Variants in VPS35L observed in about 807,000 individuals in gnomAD.
VPS35L encodes the protein VPS35 endosomal protein sorting factor like, also known as VPS35 endosomal protein-sorting factor-like.
A neutral mutation model predicts 133.0 loss-of-function variants in VPS35L; 83 were observed. That is an observed-to-expected ratio of 0.62 (90% CI 0.52 to 0.75). The LOEUF is 0.75. VPS35L is among the 30% of genes least tolerant of loss of function. The probability of loss-of-function intolerance (pLI) is 0.00; values close to 1 mark genes in which losing one functional copy is unlikely to be tolerated. For missense variants in VPS35L, 1,083 were observed against 1,206.8 expected (o/e 0.90, Z 1.52); for synonymous variants, 423 against 449.9 (o/e 0.94, Z 0.76).
chr16:19,650,488 C>T, intron 25 of VPS35L, 29 bp downstream of exon 25: 3 of 1,555,560 alleles, frequency 1.9e-6, no homozygotes, highest in South Asian at 1.1e-5. Context: ...GACTGTTGGA[C>T]CTCGAACTCC....
At chr16:19,683,384 T>C (rs1442024128) in intron 28 of VPS35L, among the ~76,000 whole-genome samples, 1 of 152,240 alleles carries the variant, frequency 6.6e-6, no homozygotes, top group Admixed American at 6.5e-5. Context: ...TATTGTGCAA[T>C]GCTGAGGTTT....
chr16:19,563,039 A>G (rs367694150), intron 1 of VPS35L, among the ~76,000 whole-genome samples: 2 of 152,278 alleles, frequency 1.3e-5, no homozygotes, highest in South Asian at 4.2e-4. Context: ...TGCTGGGATT[A>G]CAGGCGTGAG....
intron 7 of VPS35L, among the ~76,000 whole-genome samples, chr16:19,585,891 G>A (rs1458871149): frequency 1.3e-5 from 2 of 151,808 alleles, no homozygotes; most frequent in East Asian, 3.9e-4. Context: ...ATTTGGTTGA[G>A]TTGTAACAAT....
intron 24 of VPS35L, among the ~76,000 whole-genome samples, chr16:19,649,772 G>C (rs1974068569): frequency 6.6e-6 from 1 of 152,150 alleles, no homozygotes; most frequent in South Asian, 2.1e-4. Flanking sequence ...ATATGTATTT[G>C]TTTGCTGGTT....
At chr16:19,570,790 G>A (rs1010655010) in intron 3 of VPS35L, among the ~76,000 whole-genome samples, 1 of 139,606 alleles carries the variant, frequency 7.2e-6, no homozygotes, top group African/African-American at 2.6e-5. Flanking sequence ...TGGCCAGTCT[G>A]ACTTCAGAAT....
At chr16:19,659,731 A>C (rs1287546877) in intron 26 of VPS35L, among the ~76,000 whole-genome samples, 1 of 152,226 alleles carries the variant, frequency 6.6e-6, no homozygotes, top group East Asian at 1.9e-4. Flanking sequence ...TGAGACCACA[A>C]GGCTTTGCCA....
intron 5 of VPS35L, among the ~76,000 whole-genome samples, chr16:19,577,242 A>G (rs1030554848): frequency 6.6e-6 from 1 of 152,158 alleles, no homozygotes; most frequent in Admixed American, 6.5e-5. Flanking sequence ...GGCTGCTTCC[A>G]CTCATGGTGA....
At chr16:19,655,634 G>A (rs879905815) in intron 26 of VPS35L, among the ~76,000 whole-genome samples, 2 of 152,320 alleles carry the variant, frequency 1.3e-5, no homozygotes, top group Non-Finnish European at 1.5e-5. Context: ...TGTTGCAGGG[G>A]AGGCCTGGTT....
At chr16:19,646,713 T>G (rs1329726661) in intron 23 of VPS35L, among the ~76,000 whole-genome samples, 1 of 151,480 alleles carries the variant, frequency 6.6e-6, no homozygotes, top group Non-Finnish European at 1.5e-5. Flanking sequence ...CATATTCTAC[T>G]GCAATCTGTG....
chr16:19,573,728 G>A (rs1402364255), intron 4 of VPS35L, among the ~76,000 whole-genome samples: 2 of 152,118 alleles, frequency 1.3e-5, no homozygotes, highest in Non-Finnish European at 2.9e-5. Context: ...CATGAGAATT[G>A]CTTGAACCCG....
intron 11 of VPS35L, 41 bp from the exon 12 acceptor site, chr16:19,610,281 T>C: frequency 6.5e-7 from 1 of 1,527,174 alleles, no homozygotes; most frequent in East Asian, 2.3e-5. Flanking sequence ...CAGCGAGTTC[T>C]CACGTCGAAT....
chr16:19,618,796 C>T (rs950314634), intron 14 of VPS35L, among the ~76,000 whole-genome samples: 2 of 152,090 alleles, frequency 1.3e-5, no homozygotes, highest in Non-Finnish European at 2.9e-5. Flanking sequence ...GTGTAGCGCC[C>T]CACATCTTAG....
intron 26 of VPS35L, among the ~76,000 whole-genome samples, chr16:19,664,319 C>T (rs750845076): frequency 3.3e-5 from 5 of 151,812 alleles, no homozygotes; most frequent in African/African-American, 4.8e-5. Flanking sequence ...TCTCTTACTA[C>T]GAATATGGGG....
chr16:19,622,848 T>G lies in VPS35L; in HGVS notation c.1225-3329T>G, dbSNP rs545426653. 2.6e-5 allele frequency among the ~76,000 whole-genome samples: 4 copies of G among 152,242 alleles called. No individual in the cohort carries two copies. The South Asian group carries it at 6.2e-4, about 24-fold the overall frequency. ...TGGTCAATTTTGTCACCAGCTAGGGTGCTTTTGGCTGCAAGGAACAAACAT... is the reference window on the plus strand; with the variant it reads ...TGGTCAATTTTGTCACCAGCTAGGGGGCTTTTGGCTGCAAGGAACAAACAT... On this transcript the variant is annotated intron_variant, in intron 14 of 30. Coordinates refer to ENST00000417362, the MANE Select transcript of VPS35L (RefSeq NM_020314.7).
At chr16:19,677,193 G>GGCAC (rs1975093978) in intron 27 of VPS35L, among the ~76,000 whole-genome samples, 1 of 151,642 alleles carries the variant, frequency 6.6e-6, no homozygotes, top group Non-Finnish European at 1.5e-5. Context: ...CGCCTCCCGA[G>GGCAC]CAGCTGGGAT....
chr16:19,592,584 C>A (rs1463642237), intron 8 of VPS35L, among the ~76,000 whole-genome samples: 1 of 152,082 alleles, frequency 6.6e-6, no homozygotes, highest in Non-Finnish European at 1.5e-5. Context: ...AGCTGGGAAT[C>A]TGAGCATCTT....
intron 23 of VPS35L, among the ~76,000 whole-genome samples, chr16:19,645,552 G>A (rs1046521641): frequency 6.6e-6 from 1 of 152,232 alleles, no homozygotes; most frequent in African/African-American, 2.4e-5. Context: ...GCCTCCCAAA[G>A]TGCTGGGATT....
chr16:19,576,506 C>T (rs1971543465), intron 5 of VPS35L, among the ~76,000 whole-genome samples: 1 of 152,082 alleles, frequency 6.6e-6, no homozygotes, highest in Admixed American at 6.6e-5. Flanking sequence ...GATGCCTGGC[C>T]CCCACTTGCT....
chr16:19,669,257 G>A lies in VPS35L; in HGVS notation c.2319G>A (p.Leu773=). ...GKMRPSESFL[L]EFLCNFFSTL... Reference sequence around the variant, plus strand: ...TGCGGCCATCGGAATCGTTCCTTCTGGAATTCCTCTGCAATTTCTTTTCTA... The same window carrying A: ...TGCGGCCATCGGAATCGTTCCTTCTAGAATTCCTCTGCAATTTCTTTTCTA... The change falls in exon 27 of 31, where the codon CTG becomes CTA. Residue 773 remains leucine (L), a synonymous_variant. Coordinates refer to ENST00000417362, the MANE Select transcript of VPS35L (RefSeq NM_020314.7). 4 of 1,613,040 alleles carry A rather than the reference G, an allele frequency of 2.5e-6. No individual in the cohort carries two copies. The highest frequency in any genetic ancestry group is 1.1e-5 in the South Asian group (1 of 90,974).
Sources: gnomAD v4.1 joint callset for allele counts (sites outside exome capture counted in the v4.1 genomes callset) on GRCh38, gnomAD v4.1.1 for gene constraint, MANE v1.5 for transcripts, NCBI Gene and HGNC (gene_info 2026-07-23, HGNC 2026-07-21) for gene names.